The following RIMS1 variants were observed in gnomAD, a reference collection of about 807,000 sequenced individuals.
The protein encoded by RIMS1 is regulating synaptic membrane exocytosis protein 1.
Under a neutral mutation model 214.1 loss-of-function variants are expected in RIMS1, and 83 were observed. That is an observed-to-expected ratio of 0.39 (90% CI 0.32 to 0.47). RIMS1 has a LOEUF of 0.47. Ranked by LOEUF, RIMS1 falls within the 20% of genes least tolerant of loss-of-function variation. RIMS1 has a pLI of 0.99. For synonymous variants in RIMS1, 793 were observed against 786.8 expected (o/e 1.01, Z -0.13); for missense variants, 2,050 against 2,161.8 (o/e 0.95, Z 1.03).
intron 1 of RIMS1, among the ~76,000 whole-genome samples, chr6:71,921,418 A>C (rs1750670966): frequency 6.6e-6 from 1 of 152,148 alleles, no homozygotes; most frequent in African/African-American, 2.4e-5. Context: ...CGCACCCACA[A>C]GCCATTATTT....
intron 6 of RIMS1, among the ~76,000 whole-genome samples, chr6:72,216,058 G>A (rs2055861281): frequency 6.6e-6 from 1 of 152,122 alleles, no homozygotes; most frequent in Non-Finnish European, 1.5e-5. Flanking sequence ...ATCCCTAGAT[G>A]ATTAGAGAAG....
At position 71,933,716 on chromosome 6, in the gene RIMS1, AC is replaced by A. The variant is rs1425174122; in HGVS notation, c.165-35266del. On this transcript the variant is annotated intron_variant, in intron 1 of 33. Transcript: ENST00000521978. ...CACACACACACACACACACACACACACAAGTTGTATTAAAATACAATATGAA... is the reference window on the plus strand; with the variant it reads ...CACACACACACACACACACACACACAAAGTTGTATTAAAATACAATATGAA... 3.1e-3 allele frequency among the ~76,000 whole-genome samples: 474 copies of A among 150,724 alleles called. 3 individuals are homozygous for A. The highest frequency in any genetic ancestry group is 0.021 in the Middle Eastern group (6 of 292).
intron 29 of RIMS1, among the ~76,000 whole-genome samples, chr6:72,378,268 A>G (rs1474806539): frequency 6.6e-6 from 1 of 152,232 alleles, no homozygotes; most frequent in Non-Finnish European, 1.5e-5. Context: ...GGGTCTCCCA[A>G]CAGGAATTTC....
intron 2 of RIMS1, among the ~76,000 whole-genome samples, chr6:71,979,676 C>T (rs1798022359): frequency 1.3e-5 from 2 of 151,972 alleles, no homozygotes. Flanking sequence ...CTGTATGTTT[C>T]TTATTCAGGG....
chr6:72,393,443 T>C (rs534682222), intron 31 of RIMS1, among the ~76,000 whole-genome samples: 1 of 152,214 alleles, frequency 6.6e-6, no homozygotes, highest in African/African-American at 2.4e-5. Context: ...ATCAGATTCT[T>C]GCCGGGCGCT....
At chr6:72,220,909 GTTA>G (rs771499435) in intron 6 of RIMS1, among the ~76,000 whole-genome samples, 1 of 151,996 alleles carries the variant, frequency 6.6e-6, no homozygotes, top group Non-Finnish European at 1.5e-5. Context: ...TGTAAGGTTT[GTTA>G]TTATGAGATT....
At chr6:72,079,521 G>C (rs1465024147) in intron 2 of RIMS1, among the ~76,000 whole-genome samples, 1 of 152,128 alleles carries the variant, frequency 6.6e-6, no homozygotes, top group Admixed American at 6.5e-5. Context: ...TCAGAAAGTT[G>C]AACACCCTTC....
chr6:71,915,024 T>A lies in RIMS1; in HGVS notation c.164+27837T>A, dbSNP rs547433038. The stretch of plus-strand genomic sequence containing the variant: ...AAGGAAATGTACTATTTTGATTTAA[T>A]TCTATTTGAGGAGCTTGTTTTTTTA... On this transcript the variant is annotated intron_variant, in intron 1 of 33. Transcript: ENST00000521978. Among the ~76,000 whole-genome samples, 80 of 152,234 alleles carry A rather than the reference T, an allele frequency of 5.3e-4. 1 individual carries two copies. Among genetic ancestry groups the A allele is most frequent in the African/African-American group, 1.9e-3 (77 of 41,552 alleles).
At chr6:71,935,445 GAAA>G (rs796704132) in intron 1 of RIMS1, among the ~76,000 whole-genome samples, 1 of 151,770 alleles carries the variant, frequency 6.6e-6, no homozygotes, top group African/African-American at 2.4e-5. Context: ...ATTTTGATAA[GAAA>G]AAAACAAAAA....
chr6:72,140,875 A>G (rs977580627), intron 4 of RIMS1, among the ~76,000 whole-genome samples: 2 of 152,038 alleles, frequency 1.3e-5, no homozygotes, highest in African/African-American at 4.8e-5. Flanking sequence ...CTTTTTAGCA[A>G]AAGTACATAG....
At chr6:72,354,703 G>GTA (rs1406389029) in intron 29 of RIMS1, among the ~76,000 whole-genome samples, 1 of 152,074 alleles carries the variant, frequency 6.6e-6, no homozygotes, top group Non-Finnish European at 1.5e-5. Context: ...ATTCTGATGG[G>GTA]TATATTCAGT....
chr6:72,179,702 C>A lies in RIMS1; in HGVS notation c.599C>A (p.Ala200Asp). 3 of 1,613,904 alleles carry A rather than the reference C, an allele frequency of 1.9e-6. No homozygotes were observed. The highest frequency in any genetic ancestry group is 2.5e-6 in the Non-Finnish European group (3 of 1,179,868). The change falls in exon 5 of 34, where the codon GCT (alanine) becomes GAT (aspartate). Residue 200 changes from alanine to aspartate, a missense_variant. By Grantham distance (126) the Ala-to-Asp change is moderately radical (BLOSUM62 -2). Coordinates refer to ENST00000521978, the MANE Select transcript of RIMS1 (RefSeq NM_014989.7). Reference protein sequence around the residue: ...DGTLSDTATGAGSEVPREKKA... With the variant: ...DGTLSDTATGDGSEVPREKKA... ...ACCCTGAGTGATACAGCTACAGGTG[C>A]TGGCTCTGAGGTACCAAGAGAAAAG...
At chr6:71,947,858 A>G (rs143951030) in intron 1 of RIMS1, among the ~76,000 whole-genome samples, 2 of 152,170 alleles carry the variant, frequency 1.3e-5, no homozygotes, top group East Asian at 3.9e-4. Context: ...ACATACACAT[A>G]TATATTATAT....
chr6:72,233,806 C>T lies in RIMS1; in HGVS notation c.1712C>T (p.Thr571Met), dbSNP rs373485284. The stretch of plus-strand genomic sequence containing the variant: ...GATTATTACTGGTTGGATCCTGCCA[C>T]GTGGCACAGCCGGGAGACATCACCT... The part of the protein sequence containing the change: ...DLDYYWLDPA[T>M]WHSRETSPIS... The change falls in exon 7 of 34, where the codon ACG becomes ATG. Residue 571 changes from threonine to methionine, a missense_variant. This residue lies in a region of RIMS1 where 882 missense variants were observed against 828.9 expected (regional missense o/e 1.06). Transcript: ENST00000521978. The T allele has an allele frequency of 1.9e-6, 3 of 1,581,320 alleles. No homozygotes were observed. Among genetic ancestry groups the T allele is most frequent in the South Asian group, 1.2e-5 (1 of 86,584 alleles).
intron 6 of RIMS1, among the ~76,000 whole-genome samples, chr6:72,195,588 C>T (rs904645671): frequency 2.0e-5 from 3 of 151,990 alleles, no homozygotes; most frequent in Non-Finnish European, 2.9e-5. Context: ...ATTGGAGAAT[C>T]GGGAACTCTT....
chr6:71,959,363 T>C (rs955862790), intron 1 of RIMS1, among the ~76,000 whole-genome samples: 25 of 152,266 alleles, frequency 1.6e-4, no homozygotes, highest in African/African-American at 4.8e-4. Context: ...CAAGGAACCA[T>C]TGTGGGACCT....
At chr6:72,298,101 T>C (rs1334435234) in intron 26 of RIMS1, among the ~76,000 whole-genome samples, 1 of 151,958 alleles carries the variant, frequency 6.6e-6, no homozygotes, top group Non-Finnish European at 1.5e-5. Context: ...TGCAAGACTT[T>C]CAGTGCTGAA....
intron 4 of RIMS1, among the ~76,000 whole-genome samples, chr6:72,113,500 C>A (rs987809469): frequency 1.3e-5 from 2 of 152,110 alleles, no homozygotes; most frequent in East Asian, 1.9e-4. Context: ...TAATGAAAGG[C>A]CTTGAATAGA....
chr6:72,091,101 T>C (rs9351887), intron 2 of RIMS1, among the ~76,000 whole-genome samples: 32,876 of 152,124 alleles, frequency 0.22, 4,254 homozygotes, highest in East Asian at 0.31. Flanking sequence ...TCCACCATTG[T>C]ACACACATCC....
Sources: allele counts gnomAD v4.1 joint callset (sites outside exome capture counted in the v4.1 genomes callset), GRCh38; gene constraint gnomAD v4.1.1; regional missense constraint gnomAD v4.1.1; transcripts MANE v1.5; gene names NCBI Gene and HGNC (gene_info 2026-07-23, HGNC 2026-07-21).